PTPN20: variants seen among roughly 807,000 people sequenced by gnomAD.
PTPN20 encodes the protein protein tyrosine phosphatase non-receptor type 20.
Under a neutral mutation model 35.0 loss-of-function variants are expected in PTPN20, and 9 were observed. That is an observed-to-expected ratio of 0.26 (90% CI 0.15 to 0.45). PTPN20 has a LOEUF of 0.45. Ranked by LOEUF, PTPN20 falls within the 20% of genes least tolerant of loss-of-function variation. PTPN20 has a pLI of 1.00. For synonymous variants in PTPN20, 32 were observed against 100.2 expected (o/e 0.32, Z 4.06); for missense variants, 111 against 312.5 (o/e 0.36, Z 4.86).
intron 3 of PTPN20, among the ~76,000 whole-genome samples, chr10:46,943,154 AT>A (rs1555137993): frequency 9.3e-6 from 1 of 107,306 alleles, no homozygotes; most frequent in Non-Finnish European, 1.8e-5. Flanking sequence ...TTTATTGAGA[AT>A]ATTTTATAAT....
chr10:46,935,574 C>T (rs1319786584), intron 2 of PTPN20, among the ~76,000 whole-genome samples: 2 of 141,684 alleles, frequency 1.4e-5, no homozygotes, highest in African/African-American at 5.5e-5. Context: ...TCAGGTAATT[C>T]ATCCGCCTTG....
chr10:46,998,474 A>AT (rs2138061001), intron 9 of PTPN20, among the ~76,000 whole-genome samples: 1 of 152,330 alleles, frequency 6.6e-6, no homozygotes, highest in African/African-American at 2.4e-5. Context: ...ACTATTTTCC[A>AT]AGGGTTAGAG....
At chr10:46,954,756 A>G (rs1282602789) in intron 5 of PTPN20, among the ~76,000 whole-genome samples, 1,586 of 150,300 alleles carry the variant, frequency 0.011, 84 homozygotes, top group African/African-American at 0.037. Flanking sequence ...GCTCTTTATT[A>G]TTTCCTTTTT....
chr10:46,999,397 A>C (rs913352902), intron 9 of PTPN20, among the ~76,000 whole-genome samples: 8 of 152,132 alleles, frequency 5.3e-5, no homozygotes, highest in Non-Finnish European at 1.2e-4. Flanking sequence ...ACTTACTCCC[A>C]GTTTCTTGAC....
In PTPN20 at chr10:47,001,630, T is replaced by C. The variant is rs1555185842; in HGVS notation, c.*889T>C. The C allele has an allele frequency of 1.3e-5, 2 of 152,196 alleles. No individual in the cohort carries two copies. The highest frequency in any genetic ancestry group is 2.9e-5 in the Non-Finnish European group (2 of 68,016). 9.4% of individuals were successfully genotyped at this position (152,196 alleles called of 1,614,324 possible). ...CATTCATGGTATCTCTCATGTTTGA[T>C]GTATTTTTCAAACTAAGATCTATGA... On this transcript the variant is annotated 3_prime_UTR_variant, in exon 11 of 11. Transcript: ENST00000374339.
At chr10:46,919,235 C>T (rs1361627787) in intron 1 of PTPN20, among the ~76,000 whole-genome samples, 1 of 152,230 alleles carries the variant, frequency 6.6e-6, no homozygotes, top group Admixed American at 6.5e-5. Flanking sequence ...TCCAGTCAGA[C>T]AATCCCTGAC....
chr10:46,995,198 A>G (rs997622391), intron 9 of PTPN20, among the ~76,000 whole-genome samples: 5 of 151,958 alleles, frequency 3.3e-5, no homozygotes, highest in African/African-American at 4.8e-5. Context: ...TGCAAGAAAT[A>G]TATATCTTGT....
intron 5 of PTPN20, among the ~76,000 whole-genome samples, chr10:46,947,250 T>C (rs1589454131): frequency 7.0e-6 from 1 of 143,040 alleles, no homozygotes; most frequent in East Asian, 2.3e-4. Context: ...AAAATTTGTG[T>C]TTGTAAACTT....
chr10:46,928,253 C>T (rs2038318774), intron 1 of PTPN20, among the ~76,000 whole-genome samples: 1 of 152,072 alleles, frequency 6.6e-6, no homozygotes, highest in Admixed American at 6.6e-5. Flanking sequence ...AATGAGCTTG[C>T]TGCTCATGTC....
At position 46,932,452 on chromosome 10, in the gene PTPN20, T is replaced by G. The variant is rs1368310935; in HGVS notation, c.-48T>G. 1 of 1,611,832 alleles carries G rather than the reference T, an allele frequency of 6.2e-7. No homozygotes were observed. Among genetic ancestry groups the G allele is most frequent in the Non-Finnish European group, 8.5e-7 (1 of 1,179,838 alleles). On this transcript the variant is annotated 5_prime_UTR_variant, in exon 2 of 11. Coordinates refer to ENST00000374339, the MANE Select transcript of PTPN20 (RefSeq NM_001042357.5). ...CTGACTCACAGGACACTAAGGCTCCTTTTCTGAAGAAGCCTTTTACCAGTC... is the reference window on the plus strand; with the variant it reads ...CTGACTCACAGGACACTAAGGCTCCGTTTCTGAAGAAGCCTTTTACCAGTC...
At chr10:46,948,834 AG>A (rs2134416429) in intron 5 of PTPN20, among the ~76,000 whole-genome samples, 1 of 148,334 alleles carries the variant, frequency 6.7e-6, no homozygotes, top group South Asian at 2.2e-4. Context: ...CCTGGTCCTC[AG>A]TGACAGGCTT....
At chr10:46,975,789 G>A (rs1409105616) in intron 7 of PTPN20, among the ~76,000 whole-genome samples, 2 of 151,942 alleles carry the variant, frequency 1.3e-5, no homozygotes, top group Non-Finnish European at 2.9e-5. Flanking sequence ...AGCCTCCTGA[G>A]TAGCTGGGAT....
intron 1 of PTPN20, among the ~76,000 whole-genome samples, chr10:46,922,730 C>A (rs2035777802): frequency 7.1e-6 from 1 of 140,446 alleles, no homozygotes; most frequent in Admixed American, 6.9e-5. Context: ...CCAGACAGCC[C>A]TCTCAGGCCC....
chr10:46,939,876 G>A (rs1189806631), intron 2 of PTPN20, among the ~76,000 whole-genome samples: 2 of 151,696 alleles, frequency 1.3e-5, no homozygotes, highest in Non-Finnish European at 2.9e-5. Flanking sequence ...ACACATTCAG[G>A]AACACACTTT....
At chr10:46,935,742 A>G (rs1387660392) in intron 2 of PTPN20, among the ~76,000 whole-genome samples, 1 of 151,976 alleles carries the variant, frequency 6.6e-6, no homozygotes, top group Non-Finnish European at 1.5e-5. Context: ...TGTCTTTGCT[A>G]TTGTGAAAAG....
intron 5 of PTPN20, among the ~76,000 whole-genome samples, chr10:46,953,763 C>T (rs1452009610): frequency 1.4e-5 from 2 of 147,724 alleles, no homozygotes; most frequent in African/African-American, 2.6e-5. Flanking sequence ...ATAAGCCCAA[C>T]TTTGTGATGG....
At chr10:46,945,272 G>A (rs2044383336) in intron 4 of PTPN20, among the ~76,000 whole-genome samples, 1 of 151,976 alleles carries the variant, frequency 6.6e-6, no homozygotes. Flanking sequence ...GGGTCTTTTT[G>A]TTTTATTCAT....
intron 9 of PTPN20, among the ~76,000 whole-genome samples, chr10:46,993,098 A>G (rs1352588506): frequency 6.6e-6 from 1 of 152,184 alleles, no homozygotes; most frequent in African/African-American, 2.4e-5. Context: ...GCTTCAATCC[A>G]GTAGATGGTG....
At chr10:46,976,309 C>A (rs2053572795) in intron 7 of PTPN20, among the ~76,000 whole-genome samples, 2 of 101,452 alleles carry the variant, frequency 2.0e-5, no homozygotes, top group Non-Finnish European at 2.0e-5. Flanking sequence ...ATTTTCTTTC[C>A]CTTTTCCCTT....
Sources: gnomAD v4.1 joint callset for allele counts (sites outside exome capture counted in the v4.1 genomes callset) on GRCh38, gnomAD v4.1.1 for gene constraint, MANE v1.5 for transcripts, NCBI Gene and HGNC (gene_info 2026-07-23, HGNC 2026-07-21) for gene names.